Variants in FAM186A observed in about 807,000 individuals in gnomAD.
The protein encoded by FAM186A is protein FAM186A.
A neutral mutation model predicts 216.8 loss-of-function variants in FAM186A; 163 were observed. The ratio of observed to expected loss-of-function variants is 0.75; its 90% CI spans 0.66 to 0.86. The LOEUF (loss-of-function observed/expected upper bound fraction) is 0.86. Among genes scored for constraint, FAM186A ranks in the 40% least tolerant of loss-of-function variants. The probability of loss-of-function intolerance (pLI) is 0.00; values close to 1 mark genes in which losing one functional copy is unlikely to be tolerated. For missense variants in FAM186A, 2,184 were observed against 2,746.2 expected, an observed-to-expected ratio of 0.80 and a Z score of 4.58; for synonymous variants, 805 against 1,025.3, an observed-to-expected ratio of 0.79 and a Z score of 4.10.
Position 50,351,679 on chromosome 12 carries a change from G to A in FAM186A, c.5153C>T (p.Ser1718Leu), listed in dbSNP as rs1942883423. 1.3e-6 allele frequency: 2 copies of A among 1,551,602 alleles called. No homozygotes were observed. Among genetic ancestry groups the A allele is most frequent in the South Asian group, 1.2e-5 (1 of 84,062 alleles). The change falls in exon 4 of 8, where the codon TCG (serine) becomes TTG (leucine). Residue 1718 changes from serine to leucine, a missense_variant. Physicochemically the swap from Ser to Leu is moderately radical, Grantham distance 145. Around this residue, in one of 7 missense-constraint regions of FAM186A, gnomAD observed 721 missense variants for 816.4 expected, o/e 0.88. Coordinates refer to ENST00000327337, the MANE Select transcript of FAM186A (RefSeq NM_001145475.3). ...TTGCCCAGTGGGGAGAGAAGCCTTC[G>A]ATTTCTGAAATGGTCTATGGGACCA... The part of the protein sequence containing the change: ...VQWSHRPFQK[S>L]KASLPTGQSI...
chr12:50,342,937 A>G (rs1019602377), intron 4 of FAM186A, among the ~76,000 whole-genome samples: 1 of 27,696 alleles, frequency 3.6e-5, no homozygotes, highest in African/African-American at 1.0e-4. Flanking sequence ...AAGACTAGAT[A>G]ATTTTTTTTT....
intron 1 of FAM186A, among the ~76,000 whole-genome samples, chr12:50,395,641 T>G (rs1274461735): frequency 6.6e-6 from 1 of 152,146 alleles, no homozygotes; most frequent in African/African-American, 2.4e-5. Flanking sequence ...CTATTCTCCT[T>G]GAATTTCTCC....
At chr12:50,340,044 G>C (rs1241204138) in intron 4 of FAM186A, among the ~76,000 whole-genome samples, 1 of 151,868 alleles carries the variant, frequency 6.6e-6, no homozygotes, top group African/African-American at 2.4e-5. Context: ...CACCATGTTG[G>C]TCAGGCTGGT....
chr12:50,379,642 C>T (rs374325283), intron 1 of FAM186A, among the ~76,000 whole-genome samples: 2 of 151,526 alleles, frequency 1.3e-5, no homozygotes, highest in African/African-American at 2.4e-5. Context: ...CAAAAGTAGC[C>T]GGGCGTAGTG....
At chr12:50,342,000 T>A (rs1043725541) in intron 4 of FAM186A, among the ~76,000 whole-genome samples, 4 of 152,172 alleles carry the variant, frequency 2.6e-5, no homozygotes, top group African/African-American at 7.2e-5. Flanking sequence ...TTTTTAATGA[T>A]GCAAGCTTAA....
chr12:50,357,704 C>T (rs1942992402), intron 3 of FAM186A, among the ~76,000 whole-genome samples: 1 of 152,150 alleles, frequency 6.6e-6, no homozygotes, highest in Non-Finnish European at 1.5e-5. Flanking sequence ...ACCTCAGTAA[C>T]AAACAGGGAA....
At chr12:50,330,901 T>C in intron 6 of FAM186A, 143 bp from the exon 7 acceptor site, 2 of 639,170 alleles carry the variant, frequency 3.1e-6, no homozygotes, top group Non-Finnish European at 4.8e-6. Flanking sequence ...TATGCCCACT[T>C]TGACAGAGAG....
At chr12:50,369,662 T>A (rs1369082392) in intron 1 of FAM186A, among the ~76,000 whole-genome samples, 6 of 151,982 alleles carry the variant, frequency 3.9e-5, no homozygotes, top group Non-Finnish European at 7.4e-5. Context: ...AAATAACTTG[T>A]ACAAACTCAA....
At position 50,351,202 on chromosome 12, in the gene FAM186A, C is replaced by G. The variant is rs1298613421; in HGVS notation, c.5630G>C (p.Gly1877Ala). The change falls in exon 4 of 8, where the codon GGA (glycine) becomes GCA (alanine). Residue 1877 changes from glycine (G) to alanine (A), a missense_variant. Around this residue, in one of 7 missense-constraint regions of FAM186A, gnomAD observed 721 missense variants for 816.4 expected, o/e 0.88. Coordinates refer to ENST00000327337, the MANE Select transcript of FAM186A (RefSeq NM_001145475.3). ...GAGCTGCTCAGAGAAGGTTAAGGGT[C>G]CAGATTCCAGGAGGTCCCCAGGGAT... ...SSIPGDLLES[G>A]PLTFSEQLQE... is the part of the protein sequence containing the mutation. 6.4e-7 allele frequency: 1 copy of G among 1,551,492 alleles called. No homozygotes were observed. The highest frequency in any genetic ancestry group is 8.7e-7 in the Non-Finnish European group (1 of 1,146,946).
chr12:50,377,781 G>A (rs1348086274), intron 1 of FAM186A, among the ~76,000 whole-genome samples: 5 of 148,294 alleles, frequency 3.4e-5, no homozygotes, highest in African/African-American at 1.2e-4. Context: ...GTTTCAGTGA[G>A]CCAAGATCGT....
At chr12:50,363,484 T>G (rs1174483903) in intron 1 of FAM186A, 120 bp from the exon 2 acceptor site, 2 of 901,288 alleles carry the variant, frequency 2.2e-6, no homozygotes, top group African/African-American at 1.7e-5. Context: ...GTCTTGCTAA[T>G]TCTAGCTTTT....
Position 50,351,158 on chromosome 12 carries a change from C to T in FAM186A, c.5674G>A (p.Ala1892Thr), listed in dbSNP as rs1942874404. The T allele has an allele frequency of 6.4e-7, 1 of 1,551,214 alleles. No homozygotes were observed. The highest frequency in any genetic ancestry group is 2.0e-5 in the Admixed American group (1 of 50,936). Reference sequence around the variant, plus strand: ...AGATAGGGAGATTGCTCAGCAGTGGCAGGAGGCTGGAATTCCTGGAGCTGC... The same window carrying T: ...AGATAGGGAGATTGCTCAGCAGTGGTAGGAGGCTGGAATTCCTGGAGCTGC... ...SEQLQEFQPP[A>T]TAEQSPYLQA... Residue 1892 changes from alanine to threonine, a missense_variant, in exon 4 of 8, where the codon GCC becomes ACC. Ala to Thr is a moderately conservative substitution (Grantham distance 58). This residue lies in a region of FAM186A where 721 missense variants were observed against 816.4 expected (regional missense o/e 0.88). Coordinates refer to ENST00000327337, the MANE Select transcript of FAM186A (RefSeq NM_001145475.3).
At chr12:50,363,443 G>A (rs916488482) in intron 1 of FAM186A, 79 bp from the exon 2 acceptor site, 1 of 1,202,454 alleles carries the variant, frequency 8.3e-7, no homozygotes. Flanking sequence ...CAGAACGTCA[G>A]TGACAGTTAA....
chr12:50,350,779 T>C lies in FAM186A; in HGVS notation c.6053A>G (p.His2018Arg). The C allele has an allele frequency of 6.4e-7, 1 of 1,551,636 alleles. No individual in the cohort carries two copies. Among genetic ancestry groups the C allele is most frequent in the East Asian group, 2.4e-5 (1 of 40,914 alleles). ...AIESFRTFQS[H>R]FTKYRTPVYQ... is the part of the protein sequence containing the mutation. ...TACTGGTGTCCTATATTTGGTGAAA[T>C]GGGACTGAAATGTTCTAAATGATTC... The change falls in exon 4 of 8, where the codon CAT becomes CGT. Residue 2018 changes from histidine (H) to arginine (R), a missense_variant. His to Arg is a conservative substitution (Grantham distance 29). Transcript: ENST00000327337.
chr12:50,374,577 T>G (rs942317707), intron 1 of FAM186A, among the ~76,000 whole-genome samples: 2 of 152,080 alleles, frequency 1.3e-5, no homozygotes, highest in African/African-American at 2.4e-5. Flanking sequence ...GAAAAAGAAG[T>G]TGACAAAATT....
intron 1 of FAM186A, among the ~76,000 whole-genome samples, chr12:50,394,812 G>GCT: frequency 7.5e-6 from 1 of 132,466 alleles, no homozygotes; most frequent in East Asian, 2.5e-4. Context: ...ACAATCTATA[G>GCT]CTCACTGTAA....
At position 50,354,987 on chromosome 12, in the gene FAM186A, TC is replaced by T; in HGVS notation, c.1844del (p.Gly615GlufsTer16). 6.4e-7 allele frequency: 1 copy of T among 1,551,058 alleles called. No homozygotes were observed. The highest frequency in any genetic ancestry group is 8.7e-7 in the Non-Finnish European group (1 of 1,146,916). On this transcript the variant is annotated frameshift_variant, in exon 4 of 8. Transcript: ENST00000327337. LOFTEE classifies it high-confidence loss of function. ...IKGKKHHISS[G>X]TITSKEEKTE... ...TTTTTTCTTCTTTGCTTGTGATAGT[TC>T]CTGAAGAGATATGGTGTTTCTTTCC...
rs1311450003 is a variant in FAM186A, at chr12:50,352,719, C to T, written c.4113G>A (p.Leu1371=). 3 of 1,517,966 alleles carry T rather than the reference C, an allele frequency of 2.0e-6. No individual in the cohort carries two copies. Among genetic ancestry groups the T allele is most frequent in the Non-Finnish European group, 2.7e-6 (3 of 1,129,736 alleles). 94.0% of individuals were successfully genotyped at this position (1,517,966 alleles called of 1,614,324 possible). Residue 1371 remains leucine, a synonymous_variant, in exon 4 of 8, where the codon TTG becomes TTA. Coordinates refer to ENST00000327337, the MANE Select transcript of FAM186A (RefSeq NM_001145475.3). ...IPLTPQHAQA[L]GMPLTTQQAQ... ...CCTGCTGAGTGGTGAGAGGCATCCC[C>T]AAGGCCTGAGCGTGCTGAGGGGTGA...
rs566252260 is a variant in FAM186A, at chr12:50,357,434, G to A, written c.584-1186C>T. ...GGAGAACCACTTGAACCTGGGAAGCGGCGGTTGCGGTGAGCCGAGATCACA... is the reference window on the plus strand; with the variant it reads ...GGAGAACCACTTGAACCTGGGAAGCAGCGGTTGCGGTGAGCCGAGATCACA... On this transcript the variant is annotated intron_variant, in intron 3 of 7. Coordinates refer to ENST00000327337, the MANE Select transcript of FAM186A (RefSeq NM_001145475.3). Among the ~76,000 whole-genome samples the A allele has an allele frequency of 6.0e-4, 90 of 149,690 alleles. 2 individuals carry two copies. Among genetic ancestry groups the A allele is most frequent in the African/African-American group, 2.2e-3 (88 of 40,562 alleles).
Sources: allele counts gnomAD v4.1 joint callset (sites outside exome capture counted in the v4.1 genomes callset), GRCh38; gene constraint gnomAD v4.1.1; regional missense constraint gnomAD v4.1.1; transcripts MANE v1.5; gene names NCBI Gene and HGNC (gene_info 2026-07-23, HGNC 2026-07-21).